Variants in ADAM10 observed in about 807,000 individuals in gnomAD.
ADAM10 encodes disintegrin and metalloproteinase domain-containing protein 10.
ADAM10 carries 17 observed loss-of-function variants against 90.1 expected under a neutral mutation model. The ratio of observed to expected loss-of-function variants is 0.19; its 90% confidence interval spans 0.13 to 0.28. ADAM10 has a LOEUF of 0.28. Among genes scored for constraint, ADAM10 ranks in the 10% least tolerant of loss-of-function variants. The pLI, the probability that ADAM10 is intolerant of heterozygous loss-of-function variation, is 1.00. For synonymous variants in ADAM10, 310 were observed against 298.6 expected (o/e 1.04, Z -0.40); for missense variants, 610 against 914.3 (o/e 0.67, Z 4.29).
At chr15:58,656,819 A>C (rs1896840573) in intron 5 of ADAM10, among the ~76,000 whole-genome samples, 1 of 152,134 alleles carries the variant, frequency 6.6e-6, no homozygotes, top group African/African-American at 2.4e-5. Context: ...CTTATTGCTC[A>C]TTCACATCCT....
intron 14 of ADAM10, among the ~76,000 whole-genome samples, chr15:58,605,362 G>A (rs1895239574): frequency 6.6e-6 from 1 of 152,066 alleles, no homozygotes; most frequent in Non-Finnish European, 1.5e-5. Context: ...AATGGAACAT[G>A]GCAATAGACA....
At chr15:58,739,303 G>A (rs1398231670) in intron 1 of ADAM10, among the ~76,000 whole-genome samples, 4 of 150,548 alleles carry the variant, frequency 2.7e-5, no homozygotes, top group Non-Finnish European at 4.4e-5. Context: ...TCAGGAGATT[G>A]AGACCATCCT....
chr15:58,696,465 TC>T (rs199594460), intron 2 of ADAM10, among the ~76,000 whole-genome samples: 2,674 of 143,102 alleles, frequency 0.019, 121 homozygotes, highest in African/African-American at 0.062. Flanking sequence ...TTTCTTTCTT[TC>T]TTTTTTTTTT....
At chr15:58,720,244 TCTC>T (rs1175801616) in intron 1 of ADAM10, among the ~76,000 whole-genome samples, 1 of 152,068 alleles carries the variant, frequency 6.6e-6, no homozygotes, top group Non-Finnish European at 1.5e-5. Flanking sequence ...GTTACTTCCT[TCTC>T]CTCTTGAACA....
chr15:58,639,141 A>G (rs17269425), intron 8 of ADAM10, among the ~76,000 whole-genome samples: 3,207 of 152,332 alleles, frequency 0.021, 42 homozygotes, highest in Middle Eastern at 0.044. Context: ...AGCAAGCTTT[A>G]GAGACAAAAA....
At chr15:58,667,091 A>G (rs1177732562) in intron 4 of ADAM10, among the ~76,000 whole-genome samples, 8 of 152,280 alleles carry the variant, frequency 5.3e-5, no homozygotes, top group Admixed American at 1.3e-4. Flanking sequence ...GCTAAATCAT[A>G]GGATGCACTG....
Position 58,683,918 on chromosome 15 carries a change from C to T in ADAM10, c.207-1604G>A, listed in dbSNP as rs1166971929. Among the ~76,000 whole-genome samples, 8 of 149,040 alleles carry T rather than the reference C, an allele frequency of 5.4e-5. No homozygotes were observed. In the South Asian group the frequency reaches 1.5e-3, roughly 28 times the overall value. ...ATATAAAGTCATCCCTCAGTATCCA[C>T]GGGGGATTGGTTACAGGACCCCCAA... On this transcript the variant is annotated intron_variant, in intron 2 of 15. Coordinates refer to ENST00000260408, the MANE Select transcript of ADAM10 (RefSeq NM_001110.4).
chr15:58,708,469 C>T (rs1340190369), intron 2 of ADAM10, among the ~76,000 whole-genome samples: 2 of 152,050 alleles, frequency 1.3e-5, no homozygotes, highest in Non-Finnish European at 2.9e-5. Context: ...CGAGACCGGC[C>T]CGGGCAACAC....
At chr15:58,695,669 C>A (rs1897956059) in intron 2 of ADAM10, among the ~76,000 whole-genome samples, 1 of 38,034 alleles carries the variant, frequency 2.6e-5, no homozygotes, top group Non-Finnish European at 6.0e-5. Context: ...GCCAACAGAG[C>A]AAGACTTGTC....
At chr15:58,683,939 C>T (rs1273919665) in intron 2 of ADAM10, among the ~76,000 whole-genome samples, 2 of 151,402 alleles carry the variant, frequency 1.3e-5, no homozygotes, top group Non-Finnish European at 2.9e-5. Context: ...TTACAGGACC[C>T]CCAAGGATAC....
chr15:58,609,639 G>A (rs967265988), intron 14 of ADAM10: 1 of 153,966 alleles, frequency 6.5e-6, no homozygotes, highest in Non-Finnish European at 1.4e-5. Context: ...TATATCATTT[G>A]CAAGCTTCCT....
intron 2 of ADAM10, among the ~76,000 whole-genome samples, chr15:58,712,785 C>T (rs1329802517): frequency 6.6e-6 from 1 of 152,068 alleles, no homozygotes; most frequent in Non-Finnish European, 1.5e-5. Flanking sequence ...AAGTTCCCCC[C>T]ACTGCACTCC....
At chr15:58,729,917 G>A (rs1316852468) in intron 1 of ADAM10, among the ~76,000 whole-genome samples, 1 of 147,354 alleles carries the variant, frequency 6.8e-6, no homozygotes, top group Non-Finnish European at 1.5e-5. Flanking sequence ...AGCCAAGACC[G>A]TGCCACTGTA....
chr15:58,707,090 G>GGA lies in ADAM10; in HGVS notation c.206+10486_206+10487insTC, dbSNP rs1555420527. 6.6e-4 allele frequency among the ~76,000 whole-genome samples: 99 copies of GGA among 149,078 alleles called. 1 individual carries two copies. Among genetic ancestry groups the GGA allele is most frequent in the Middle Eastern group, 3.4e-3 (1 of 290 alleles). On this transcript the variant is annotated intron_variant, in intron 2 of 15. Coordinates refer to ENST00000260408, the MANE Select transcript of ADAM10 (RefSeq NM_001110.4). ...CTAGGGCTATAAACTTTGGGGGGGG[G>GGA]AAAAAAGCTCAGCCAGGCACAGTAG... is the stretch of plus-strand genomic sequence containing the variant.
rs562577710 is a variant in ADAM10, at chr15:58,644,839, T to C, written c.736-861A>G. On this transcript the variant is annotated intron_variant, in intron 6 of 15. Coordinates refer to ENST00000260408, the MANE Select transcript of ADAM10 (RefSeq NM_001110.4). ...AAAATACAGAAGGTCCCTATAAATTTACAGAGGCTTACTTTAGTAGCGGAA... is the reference window on the plus strand; with the variant it reads ...AAAATACAGAAGGTCCCTATAAATTCACAGAGGCTTACTTTAGTAGCGGAA... Among the ~76,000 whole-genome samples the C allele has an allele frequency of 3.3e-5, 5 of 152,326 alleles. No individual in the cohort carries two copies. In the East Asian group the frequency reaches 9.6e-4, roughly 29 times the overall value.
chr15:58,713,355 C>A (rs373144001), intron 2 of ADAM10, among the ~76,000 whole-genome samples: 2 of 152,270 alleles, frequency 1.3e-5, no homozygotes, highest in South Asian at 2.1e-4. Context: ...ATCCTTTCAC[C>A]TCAGCCTCCC....
chr15:58,726,718 A>G (rs1484054124), intron 1 of ADAM10, among the ~76,000 whole-genome samples: 2 of 151,940 alleles, frequency 1.3e-5, no homozygotes, highest in African/African-American at 4.8e-5. Context: ...TAAATGATCC[A>G]GCTGAGTACA....
At chr15:58,642,246 A>G (rs1896435022) in intron 7 of ADAM10, among the ~76,000 whole-genome samples, 1 of 152,038 alleles carries the variant, frequency 6.6e-6, no homozygotes, top group Non-Finnish European at 1.5e-5. Flanking sequence ...GCGGGTGATC[A>G]CCTGAGGTCA....
intron 14 of ADAM10, among the ~76,000 whole-genome samples, chr15:58,602,643 T>C (rs187435475): frequency 1.5e-3 from 228 of 152,262 alleles, no homozygotes; most frequent in Middle Eastern, 6.8e-3. Flanking sequence ...CACATATTCA[T>C]ATATATATTC....
Sources: allele counts gnomAD v4.1 joint callset (sites outside exome capture counted in the v4.1 genomes callset), GRCh38; gene constraint gnomAD v4.1.1; transcripts MANE v1.5; gene names NCBI Gene and HGNC (gene_info 2026-07-23, HGNC 2026-07-21).